Variants in KCNJ5 observed in about 807,000 individuals in gnomAD.
KCNJ5 encodes G protein-activated inward rectifier potassium channel 4.
A neutral mutation model predicts 20.2 loss-of-function variants in KCNJ5; 12 were observed. That is an observed-to-expected ratio of 0.59 (90% CI 0.38 to 0.96). The LOEUF is 0.96. Among genes scored for constraint, KCNJ5 ranks in the 40% least tolerant of loss-of-function variants. KCNJ5 has a pLI of 0.00. For missense variants in KCNJ5, 449 were observed against 557.6 expected, an observed-to-expected ratio of 0.81 and a Z score of 1.96; for synonymous variants, 210 against 213.9, an observed-to-expected ratio of 0.98 and a Z score of 0.16.
At chr11:128,895,587 T>C (rs1385006426) in intron 1 of KCNJ5, among the ~76,000 whole-genome samples, 1 of 152,204 alleles carries the variant, frequency 6.6e-6, no homozygotes, top group Admixed American at 6.5e-5. Context: ...TTGTGAAGTG[T>C]CCTTCTCCAG....
At chr11:128,898,649 C>A (rs923891218) in intron 1 of KCNJ5, among the ~76,000 whole-genome samples, 1 of 152,170 alleles carries the variant, frequency 6.6e-6, no homozygotes, top group Non-Finnish European at 1.5e-5. Context: ...ATCCTTCTTT[C>A]ATTCTCAACT....
rs1944605230 is a variant in KCNJ5, at chr11:128,917,619, TTTGTTTTG to T, written c.*891_*898del. On this transcript the variant is annotated 3_prime_UTR_variant, in exon 3 of 3. Coordinates refer to ENST00000529694, the MANE Select transcript of KCNJ5 (RefSeq NM_000890.5). ...TTTGTTTTGTTTTGTTTTGTTTTGT[TTTGTTTTG>T]TTTTGTTTTTTTCACAATCTCAGCC... The T allele has an allele frequency of 6.6e-6, 1 of 152,228 alleles. No individual in the cohort carries two copies. Among genetic ancestry groups the T allele is most frequent in the African/African-American group, 2.4e-5 (1 of 41,366 alleles). The allele number at this position is 152,228 out of a possible 1,614,324, so 9.4% of individuals were successfully genotyped here. A position where few individuals can be genotyped will look rare whatever the true frequency, so the allele number is the denominator to read the frequency against.
chr11:128,908,489 C>T (rs550045696), intron 1 of KCNJ5, among the ~76,000 whole-genome samples: 1 of 152,192 alleles, frequency 6.6e-6, no homozygotes, highest in African/African-American at 2.4e-5. Flanking sequence ...CACAGGAATG[C>T]GTCCCAATAT....
At chr11:128,908,774 C>T (rs1168214195) in intron 1 of KCNJ5, among the ~76,000 whole-genome samples, 2 of 152,330 alleles carry the variant, frequency 1.3e-5, no homozygotes, top group African/African-American at 4.8e-5. Flanking sequence ...CCCTGCCCAA[C>T]CTCAGTGGCT....
intron 1 of KCNJ5, among the ~76,000 whole-genome samples, chr11:128,892,112 C>CG (rs1007153575): frequency 6.6e-6 from 1 of 152,192 alleles, no homozygotes; most frequent in African/African-American, 2.4e-5. Context: ...GGATGGGGGG[C>CG]GGTGCCCCCC....
Position 128,917,444 on chromosome 11 carries a change from A to G in KCNJ5, c.*713A>G, listed in dbSNP as rs1944601694. ...CTAGACAGCCCCTCTGAGCACATGC[A>G]TAGTGGCATCAGCAGCTTCCTGGCC... On this transcript the variant is annotated 3_prime_UTR_variant, in exon 3 of 3. Transcript: ENST00000529694. 1 of 152,434 alleles carries G rather than the reference A, an allele frequency of 6.6e-6. No homozygotes were observed. The highest frequency in any genetic ancestry group is 1.5e-5 in the Non-Finnish European group (1 of 68,222). 9.4% of individuals were successfully genotyped at this position (152,434 alleles called of 1,614,324 possible).
chr11:128,916,674 T>C lies in KCNJ5; in HGVS notation c.1203T>C (p.Asn401=). 1 of 1,611,540 alleles carries C rather than the reference T, an allele frequency of 6.2e-7. No homozygotes were observed. Among genetic ancestry groups the C allele is most frequent in the South Asian group, 1.1e-5 (1 of 90,926 alleles). ...EAGLDAEAEQ[N]EEDEPKGLGG... ...GGCTGGATGCAGAGGCTGAGCAGAA[T>C]GAAGAAGATGAGCCCAAGGGGCTGG... Residue 401 remains asparagine, a synonymous_variant, in exon 3 of 3, where the codon AAT becomes AAC. Coordinates refer to ENST00000529694, the MANE Select transcript of KCNJ5 (RefSeq NM_000890.5).
At chr11:128,906,400 CTT>C (rs1280486930) in intron 1 of KCNJ5, among the ~76,000 whole-genome samples, 2 of 152,218 alleles carry the variant, frequency 1.3e-5, no homozygotes, top group African/African-American at 4.8e-5. Context: ...ACAGCACCCA[CTT>C]ATCAGCTCAC....
In KCNJ5 at chr11:128,911,614, TC is replaced by T; in HGVS notation, c.343del (p.Arg115GlyfsTer138). The T allele has an allele frequency of 1.9e-6, 3 of 1,614,234 alleles. No homozygotes were observed. Among genetic ancestry groups the T allele is most frequent in the Non-Finnish European group, 2.5e-6 (3 of 1,180,034 alleles). ...TTCATTTGGTGGCTCATTGCTTATA[TC>T]CGGGGTGACCTGGACCATGTTGGCG... Reference protein sequence around the residue: ...FGFIWWLIAYIRGDLDHVGDQ... With the variant: ...FGFIWWLIAYXRGDLDHVGDQ... On this transcript the variant is annotated frameshift_variant, in exon 2 of 3. Transcript: ENST00000529694. LOFTEE classifies it high-confidence loss of function. The surrounding 1 kb of genome is among the most constrained non-coding windows in gnomAD (Gnocchi z 6.3).
chr11:128,905,097 T>G (rs115156125), intron 1 of KCNJ5, among the ~76,000 whole-genome samples: 1 of 152,226 alleles, frequency 6.6e-6, no homozygotes, highest in African/African-American at 2.4e-5. Flanking sequence ...TGTCCACCGG[T>G]GTGGCTTGGG....
chr11:128,910,989 C>T (rs1944487635), intron 1 of KCNJ5, among the ~76,000 whole-genome samples: 1 of 152,222 alleles, frequency 6.6e-6, no homozygotes, highest in Non-Finnish European at 1.5e-5. Context: ...ACCCTTTCAA[C>T]ACTTAATGTG....
intron 2 of KCNJ5, 34 bp downstream of exon 2, chr11:128,912,244 C>T: frequency 1.3e-6 from 2 of 1,537,062 alleles, no homozygotes; most frequent in Non-Finnish European, 1.8e-6. Flanking sequence ...CCACAGGTGG[C>T]CCTACCTACA....
chr11:128,918,283 A>G lies in KCNJ5; in HGVS notation c.*1552A>G, dbSNP rs1158739463. ...GAATGGCTGCCCCTCCCAGGCTGGAAACAAGAGGGCAAGCGGGGTCAGCAG... is the reference window on the plus strand; with the variant it reads ...GAATGGCTGCCCCTCCCAGGCTGGAGACAAGAGGGCAAGCGGGGTCAGCAG... On this transcript the variant is annotated 3_prime_UTR_variant, in exon 3 of 3. Transcript: ENST00000529694. 2 of 152,204 alleles carry G rather than the reference A, an allele frequency of 1.3e-5. No homozygotes were observed. Among genetic ancestry groups the G allele is most frequent in the African/African-American group, 4.8e-5 (2 of 41,446 alleles). The allele number at this position is 152,204 out of a possible 1,614,324, so 9.4% of individuals were successfully genotyped here.
chr11:128,904,929 C>A (rs994255306), intron 1 of KCNJ5, among the ~76,000 whole-genome samples: 3 of 152,190 alleles, frequency 2.0e-5, no homozygotes, highest in African/African-American at 7.2e-5. Flanking sequence ...CAAAATGGTG[C>A]GGTTTTTAAA....
rs750048771 is a variant in KCNJ5 at position 128,911,864 on chromosome 11, G to A, written c.591G>A (p.Ala197=). ...AGATCAGCCAGCCCAAGAAGAGAGC[G>A]GAGACCCTCATGTTTTCCAACAACG... is the stretch of plus-strand genomic sequence containing the variant. ...FVKISQPKKR[A]ETLMFSNNAV... Residue 197 remains alanine, a synonymous_variant, in exon 2 of 3, where the codon GCG becomes GCA. Transcript: ENST00000529694. This position sits in a 1 kb window ranked among gnomAD's most constrained non-coding sequence, Gnocchi z 6.3. 38 of 1,612,780 alleles carry A rather than the reference G, an allele frequency of 2.4e-5. No individual in the cohort carries two copies. The highest frequency in any genetic ancestry group is 1.8e-4 in the Admixed American group (11 of 59,978).
At chr11:128,895,027 G>A (rs11221500) in intron 1 of KCNJ5, among the ~76,000 whole-genome samples, 58,951 of 151,422 alleles carry the variant, frequency 0.39, 11,671 homozygotes, top group East Asian at 0.48. Flanking sequence ...GGTGGCAACG[G>A]CACTTCCTGG....
chr11:128,903,345 G>A (rs369632264), intron 1 of KCNJ5: 32 of 1,613,394 alleles, frequency 2.0e-5, no homozygotes, highest in Non-Finnish European at 2.4e-5. Flanking sequence ...TTGGAAGAAC[G>A]CGATCCGGCA....
In KCNJ5 at chr11:128,912,188, A is replaced by G. The variant is rs1157309825; in HGVS notation, c.915A>G (p.Leu305=). 6.2e-7 allele frequency: 1 copy of G among 1,604,448 alleles called. No homozygotes were observed. Among genetic ancestry groups the G allele is most frequent in the African/African-American group, 1.3e-5 (1 of 74,936 alleles). ...HQEEFEVVVI[L]EGMVEATGMT... is the part of the protein sequence containing the mutation. ...AAGAGTTTGAAGTTGTGGTCATTCTAGAAGGGATGGTGGAAGCCACAGGTA... is the reference window on the plus strand; with the variant it reads ...AAGAGTTTGAAGTTGTGGTCATTCTGGAAGGGATGGTGGAAGCCACAGGTA... Residue 305 remains leucine, a synonymous_variant, in exon 2 of 3, where the codon CTA becomes CTG. Transcript: ENST00000529694.
In KCNJ5 at chr11:128,906,052, C is replaced by G. The variant is rs559218787; in HGVS notation, c.-10-5212C>G. 5 of 152,252 alleles carry G rather than the reference C, an allele frequency of 3.3e-5. No homozygotes were observed. In the East Asian group the frequency reaches 9.7e-4, roughly 29 times the overall value. The allele number at this position is 152,252 out of a possible 1,614,324, so 9.4% of individuals were successfully genotyped here. A position where few individuals can be genotyped will look rare whatever the true frequency, so the allele number is the denominator to read the frequency against. On this transcript the variant is annotated intron_variant, in intron 1 of 2. Coordinates refer to ENST00000529694, the MANE Select transcript of KCNJ5 (RefSeq NM_000890.5). ...TTGAAGCACTCCTGCCCCTCACCCC[C>G]ACCCCTCCAGCCCCTTTCCCAGCCC...
Sources: allele counts gnomAD v4.1 joint callset (sites outside exome capture counted in the v4.1 genomes callset), GRCh38; gene constraint gnomAD v4.1.1; non-coding constraint Gnocchi (gnomAD v3.1); transcripts MANE v1.5; gene names NCBI Gene and HGNC (gene_info 2026-07-23, HGNC 2026-07-21).